Variants in STK32B observed in about 807,000 individuals in gnomAD.
STK32B encodes serine/threonine-protein kinase 32B.
A neutral mutation model predicts 52.6 loss-of-function variants in STK32B; 43 were observed. The observed-to-expected ratio is 0.82, with a 90% confidence interval of 0.64 to 1.05. STK32B has a LOEUF of 1.05. Ranked by LOEUF, STK32B falls within the 50% of genes least tolerant of loss-of-function variation. The pLI, the probability that STK32B is intolerant of heterozygous loss-of-function variation, is 0.00. For synonymous variants in STK32B, 238 were observed against 204.3 expected, an observed-to-expected ratio of 1.17 and a Z score of -1.41; for missense variants, 621 against 534.6, an observed-to-expected ratio of 1.16 and a Z score of -1.59.
chr4:5,192,224 G>A (rs1721264583), intron 3 of STK32B, among the ~76,000 whole-genome samples: 1 of 152,154 alleles, frequency 6.6e-6, no homozygotes, highest in African/African-American at 2.4e-5. Flanking sequence ...CTATCACAAG[G>A]GAATGTTGTG....
intron 3 of STK32B, among the ~76,000 whole-genome samples, chr4:5,172,519 G>T (rs995935596): frequency 7.9e-5 from 12 of 152,170 alleles, no homozygotes; most frequent in Non-Finnish European, 4.4e-5. Flanking sequence ...TTAGCATGAA[G>T]GGTTGTTGAA....
At chr4:5,282,592 G>A (rs1264738341) in intron 3 of STK32B, among the ~76,000 whole-genome samples, 1 of 152,098 alleles carries the variant, frequency 6.6e-6, no homozygotes, top group Non-Finnish European at 1.5e-5. Flanking sequence ...AAGTTTTTAT[G>A]TGATGAGATG....
chr4:5,415,979 A>G (rs112036008), intron 5 of STK32B, among the ~76,000 whole-genome samples: 77 of 151,972 alleles, frequency 5.1e-4, no homozygotes, highest in African/African-American at 1.6e-3. Context: ...GCCAAATGCC[A>G]CTCTTAGGTT....
At chr4:5,427,311 T>A (rs886497735) in intron 6 of STK32B, among the ~76,000 whole-genome samples, 3 of 152,042 alleles carry the variant, frequency 2.0e-5, no homozygotes, top group Non-Finnish European at 4.4e-5. Flanking sequence ...TTGTTCATAA[T>A]ATTTACATCT....
intron 3 of STK32B, among the ~76,000 whole-genome samples, chr4:5,308,665 A>G (rs978132015): frequency 3.3e-5 from 5 of 152,274 alleles, no homozygotes; most frequent in Non-Finnish European, 5.9e-5. Context: ...TTTACTTAAT[A>G]ATGTATCCAG....
intron 4 of STK32B, among the ~76,000 whole-genome samples, chr4:5,371,012 G>GTA (rs1238224758): frequency 6.9e-5 from 9 of 131,382 alleles, no homozygotes; most frequent in African/African-American, 1.6e-4. Context: ...ATATATATAT[G>GTA]TATATATATG....
chr4:5,177,577 C>G (rs942417692), intron 3 of STK32B, among the ~76,000 whole-genome samples: 5 of 152,178 alleles, frequency 3.3e-5, no homozygotes, highest in South Asian at 2.1e-4. Context: ...GGCATTAACT[C>G]AAAAGTCCAA....
intron 3 of STK32B, among the ~76,000 whole-genome samples, chr4:5,240,780 A>G (rs986449455): frequency 7.2e-5 from 11 of 151,962 alleles, no homozygotes; most frequent in African/African-American, 2.4e-4. Flanking sequence ...AAATGTATCA[A>G]TTTTCTGCTT....
At chr4:5,164,171 C>T (rs1038570652) in intron 2 of STK32B, among the ~76,000 whole-genome samples, 2 of 152,168 alleles carry the variant, frequency 1.3e-5, no homozygotes, top group Admixed American at 1.3e-4. Flanking sequence ...CTTACAGTTT[C>T]GAAGGCCAGA....
intron 11 of STK32B, among the ~76,000 whole-genome samples, chr4:5,496,941 GAGAA>G (rs1326087538): frequency 6.6e-6 from 1 of 152,152 alleles, no homozygotes; most frequent in Non-Finnish European, 1.5e-5. Flanking sequence ...GTTTAGCTTA[GAGAA>G]CGATAAAGAA....
intron 3 of STK32B, among the ~76,000 whole-genome samples, chr4:5,286,196 A>ATACAC (rs1728529450): frequency 1.3e-5 from 2 of 152,338 alleles, no homozygotes; most frequent in South Asian, 4.1e-4. Flanking sequence ...TAGCAAACTA[A>ATACAC]TACACTGTAA....
At position 5,386,895 on chromosome 4, in the gene STK32B, T is replaced by C. The variant is rs1736289218; in HGVS notation, c.435-11312T>C. ...CCCGCATTGTCCTCAGAAAGCTGGA[T>C]GAGGAACATGAGGCCGTGGCCTGAG... is the stretch of plus-strand genomic sequence containing the variant. On this transcript the variant is annotated intron_variant, in intron 4 of 11. Coordinates refer to ENST00000282908, the MANE Select transcript of STK32B (RefSeq NM_018401.3). The surrounding 1 kb of genome is among the most constrained non-coding windows in gnomAD (Gnocchi z 4.5). Among the ~76,000 whole-genome samples, 1 of 152,126 alleles carries C rather than the reference T, an allele frequency of 6.6e-6. No homozygotes were observed. Among genetic ancestry groups the C allele is most frequent in the Admixed American group, 6.5e-5 (1 of 15,282 alleles).
Position 5,086,786 on chromosome 4 carries a change from G to T in STK32B, c.52+34871G>T, listed in dbSNP as rs1238464611. Among the ~76,000 whole-genome samples, 5 of 152,196 alleles carry T rather than the reference G, an allele frequency of 3.3e-5. No homozygotes were observed. In the East Asian group the frequency reaches 9.6e-4, roughly 29 times the overall value. Reference sequence around the variant, plus strand: ...TGTGGAGGCCAGAAGGCAGTGAGATGACATACTCAAAGTGCTGAAAAAATC... The same window carrying T: ...TGTGGAGGCCAGAAGGCAGTGAGATTACATACTCAAAGTGCTGAAAAAATC... On this transcript the variant is annotated intron_variant, in intron 1 of 11. Transcript: ENST00000282908.
At chr4:5,120,334 G>A (rs2108810272) in intron 1 of STK32B, among the ~76,000 whole-genome samples, 1 of 152,262 alleles carries the variant, frequency 6.6e-6, no homozygotes, top group South Asian at 2.1e-4. Context: ...ATCTCATCAC[G>A]TAGGCATTTT....
At chr4:5,205,870 C>G (rs149452326) in intron 3 of STK32B, among the ~76,000 whole-genome samples, 98 of 152,260 alleles carry the variant, frequency 6.4e-4, no homozygotes, top group African/African-American at 2.3e-3. Context: ...CTCCTTGCAT[C>G]TCAGGTTACT....
chr4:5,334,475 C>G (rs1431649832), intron 4 of STK32B, among the ~76,000 whole-genome samples: 1 of 152,172 alleles, frequency 6.6e-6, no homozygotes, highest in East Asian at 1.9e-4. Context: ...TTATTTCCTT[C>G]TCCTGCCTAA....
At chr4:5,025,206 C>T in the STK32B span, among the ~76,000 whole-genome samples, 1 of 152,162 alleles carries the variant, frequency 6.6e-6, no homozygotes, top group Non-Finnish European at 1.5e-5. Flanking sequence ...CGCCGTGGTC[C>T]ATAGACCAGC....
At chr4:5,166,180 T>TG (rs1160568791) in intron 2 of STK32B, among the ~76,000 whole-genome samples, 2 of 152,084 alleles carry the variant, frequency 1.3e-5, no homozygotes, top group Admixed American at 6.5e-5. Context: ...GTTCCTTCGC[T>TG]GGGTCCTCAA....
At chr4:5,404,162 C>T (rs865833462) in intron 5 of STK32B, among the ~76,000 whole-genome samples, 1 of 152,068 alleles carries the variant, frequency 6.6e-6, no homozygotes, top group East Asian at 1.9e-4. Flanking sequence ...CCACAACTGA[C>T]AGGCTTAAGC....
Sources: allele counts gnomAD v4.1 joint callset (sites outside exome capture counted in the v4.1 genomes callset), GRCh38; gene constraint gnomAD v4.1.1; non-coding constraint Gnocchi (gnomAD v3.1); transcripts MANE v1.5; gene names NCBI Gene and HGNC (gene_info 2026-07-23, HGNC 2026-07-21).